Variants in C20orf96 observed in about 807,000 individuals in gnomAD.
The protein encoded by C20orf96 is chromosome 20 open reading frame 96, also known as uncharacterized protein C20orf96.
A neutral mutation model predicts 52.6 loss-of-function variants in C20orf96; 57 were observed. The ratio of observed to expected loss-of-function variants is 1.08; its 90% CI spans 0.88 to 1.35. C20orf96 has a LOEUF of 1.35. Among genes scored for constraint, C20orf96 ranks in the 40% most tolerant of loss-of-function variants. The pLI is 0.00. For missense variants in C20orf96, 478 were observed against 443.6 expected, an observed-to-expected ratio of 1.08 and a Z score of -0.70; for synonymous variants, 168 against 157.2, an observed-to-expected ratio of 1.07 and a Z score of -0.51.
intron 4 of C20orf96, among the ~76,000 whole-genome samples, chr20:280,914 C>G (rs1168682274): frequency 6.6e-6 from 1 of 152,088 alleles, no homozygotes; most frequent in Non-Finnish European, 1.5e-5. Context: ...CAACACTTTG[C>G]GAGGCCCAGA....
rs1426782151 is a variant in C20orf96, at chr20:276,083, T to C, written c.916A>G (p.Ile306Val). The change falls in exon 10 of 11, where the codon ATT (isoleucine) becomes GTT (valine). Residue 306 changes from isoleucine to valine, a missense_variant. By Grantham distance (29) the Ile-to-Val change is conservative (BLOSUM62 3). Coordinates refer to ENST00000360321, the MANE Select transcript of C20orf96 (RefSeq NM_153269.3). ...LKCMQRFREI[I>V]DQFEENMPVL... ...GGCATGTTCTCCTCAAACTGGTCAA[T>C]AATCTGAGAGGAAAGGCACAGCAGG... 3.1e-6 allele frequency: 5 copies of C among 1,613,858 alleles called. No individual in the cohort carries two copies. The highest frequency in any genetic ancestry group is 4.2e-6 in the Non-Finnish European group (5 of 1,179,986).
At chr20:289,241 C>G (rs1600192573) in intron 3 of C20orf96, among the ~76,000 whole-genome samples, 1 of 147,468 alleles carries the variant, frequency 6.8e-6, no homozygotes. Flanking sequence ...TGTTCTTGTT[C>G]TCTCTCTTCC....
At chr20:283,460 C>T (rs1311404264) in intron 4 of C20orf96, among the ~76,000 whole-genome samples, 1 of 152,140 alleles carries the variant, frequency 6.6e-6, no homozygotes, top group African/African-American at 2.4e-5. Flanking sequence ...CGTGCTACCA[C>T]ACCCAGCTAA....
At chr20:288,277 A>C (rs1186778724) in intron 3 of C20orf96, among the ~76,000 whole-genome samples, 1 of 144,496 alleles carries the variant, frequency 6.9e-6, no homozygotes, top group African/African-American at 2.6e-5. Context: ...CCACTTTCTG[A>C]AAAACCCATT....
intron 10 of C20orf96, among the ~76,000 whole-genome samples, chr20:273,959 GAA>G (rs2011929796): frequency 7.8e-6 from 1 of 128,914 alleles, no homozygotes; most frequent in African/African-American, 2.9e-5. Flanking sequence ...AAAGAAGGAA[GAA>G]AGAAAAAGAA....
rs1278514769 is a variant in C20orf96, at chr20:273,894, A to AAAGG, written c.1031+2070_1031+2073dup. Among the ~76,000 whole-genome samples the AAAGG allele has an allele frequency of 2.4e-3, 175 of 72,518 alleles. 3 individuals carry two copies. The highest frequency in any genetic ancestry group is 9.5e-3 in the African/African-American group (132 of 13,878). The allele number at this position is 72,518 out of a possible 152,430, so 47.6% of individuals were successfully genotyped here. A position where few individuals can be genotyped will look rare whatever the true frequency, so the allele number is the denominator to read the frequency against. On this transcript the variant is annotated intron_variant, in intron 10 of 10. Transcript: ENST00000360321. ...TCTGTCTCAAGAAGAAGGAAGGAAG[A>AAAGG]AAGGAAGGAAGGGAGGGAGGGAGGG... is the stretch of plus-strand genomic sequence containing the variant.
At chr20:283,032 T>C (rs535743439) in intron 4 of C20orf96, among the ~76,000 whole-genome samples, 5 of 152,348 alleles carry the variant, frequency 3.3e-5, no homozygotes, top group African/African-American at 1.2e-4. Context: ...TCATTGTTCA[T>C]TGAGCTATTA....
chr20:283,735 CT>C lies in C20orf96; in HGVS notation c.306+227del, dbSNP rs577025300. Among the ~76,000 whole-genome samples the C allele has an allele frequency of 2.8e-4, 42 of 152,324 alleles. No individual in the cohort carries two copies. In the South Asian group the frequency reaches 7.0e-3, roughly 26 times the overall value. On this transcript the variant is annotated intron_variant, in intron 4 of 10. Coordinates refer to ENST00000360321, the MANE Select transcript of C20orf96 (RefSeq NM_153269.3). The stretch of plus-strand genomic sequence containing the variant: ...CGCTTTGTTTAACTGGCTTTGACCC[CT>C]GATCCTGCCATTTCCTGGCTGTGTG...
At chr20:278,184 G>A (rs2012091058) in intron 6 of C20orf96, 146 bp downstream of exon 6, 6 of 704,686 alleles carry the variant, frequency 8.5e-6, no homozygotes, top group South Asian at 3.1e-5. Flanking sequence ...TATGCTATTC[G>A]CTCTGTATCT....
At chr20:279,449 CTGG>C (rs2012190968) in intron 4 of C20orf96, 119 bp from the exon 5 acceptor site, 1 of 1,146,982 alleles carries the variant, frequency 8.7e-7, no homozygotes, top group African/African-American at 1.7e-5. Context: ...CGGCCTCCTG[CTGG>C]TAAACGCGGC....
At chr20:278,205 A>G (rs770301897) in intron 6 of C20orf96, 125 bp downstream of exon 6, 4 of 761,266 alleles carry the variant, frequency 5.3e-6, no homozygotes, top group Non-Finnish European at 7.1e-6. Context: ...TAGCATTCCC[A>G]TCTGCCAAGA....
intron 3 of C20orf96, among the ~76,000 whole-genome samples, chr20:286,785 AC>A (rs900042675): frequency 1.1e-4 from 16 of 152,036 alleles, no homozygotes; most frequent in African/African-American, 3.9e-4. Flanking sequence ...GCCTTCTACA[AC>A]CACACCCACT....
At chr20:281,734 T>C (rs1568492608) in intron 4 of C20orf96, among the ~76,000 whole-genome samples, 1 of 151,666 alleles carries the variant, frequency 6.6e-6, no homozygotes, top group African/African-American at 2.4e-5. Flanking sequence ...ATCCCAGCAC[T>C]TTGGAAGAGC....
intron 3 of C20orf96, among the ~76,000 whole-genome samples, 169 bp downstream of exon 3, chr20:289,390 G>A (rs182804512): frequency 1.3e-5 from 2 of 152,274 alleles, no homozygotes; most frequent in Admixed American, 1.3e-4. Context: ...ATCCACAAAT[G>A]TACTGTGGCA....
chr20:274,939 C>G (rs2011970631), intron 10 of C20orf96, among the ~76,000 whole-genome samples: 1 of 152,178 alleles, frequency 6.6e-6, no homozygotes, highest in African/African-American at 2.4e-5. Context: ...CTGCCTCAGC[C>G]TCCCGAGTAG....
At chr20:279,561 G>A (rs2012194940) in intron 4 of C20orf96, among the ~76,000 whole-genome samples, 1 of 152,192 alleles carries the variant, frequency 6.6e-6, no homozygotes, top group South Asian at 2.1e-4. Context: ...CATCCCTGAG[G>A]TGCGGGTGCA....
intron 10 of C20orf96, among the ~76,000 whole-genome samples, chr20:273,740 GGT>G (rs2011912865): frequency 6.6e-6 from 1 of 151,966 alleles, no homozygotes; most frequent in Non-Finnish European, 1.5e-5. Flanking sequence ...AGCCAGGCAT[GGT>G]GGTGCACACC....
Position 290,746 on chromosome 20 carries a change from C to CA in C20orf96, c.-137_-136insT. 1 of 1,051,944 alleles carries CA rather than the reference C, an allele frequency of 9.5e-7. No homozygotes were observed. The allele number at this position is 1,051,944 out of a possible 1,614,324, so 65.2% of individuals were successfully genotyped here. A position where few individuals can be genotyped will look rare whatever the true frequency, so the allele number is the denominator to read the frequency against. Reference sequence around the variant, plus strand: ...CACTCAGAAGTCCCGAGACCCGATGCTTTCGCCAGCGTCTCGGTCTCCAAG... The same window carrying CA: ...CACTCAGAAGTCCCGAGACCCGATGCATTTCGCCAGCGTCTCGGTCTCCAAG... On this transcript the variant is annotated 5_prime_UTR_variant, in exon 1 of 11. In the 5' UTR this introduces an upstream ATG that the reference lacks. Transcript: ENST00000360321.
intron 10 of C20orf96, among the ~76,000 whole-genome samples, chr20:272,170 C>T (rs1366287317): frequency 6.6e-6 from 1 of 151,530 alleles, no homozygotes; most frequent in Non-Finnish European, 1.5e-5. Flanking sequence ...ATTCTCTCTT[C>T]TTTATATTTG....
Sources: gnomAD v4.1 joint callset for allele counts (sites outside exome capture counted in the v4.1 genomes callset) on GRCh38, gnomAD v4.1.1 for gene constraint, MANE v1.5 for transcripts, NCBI Gene and HGNC (gene_info 2026-07-23, HGNC 2026-07-21) for gene names.